The following DIAPH2 variants were observed in gnomAD, a reference collection of about 807,000 sequenced individuals.
DIAPH2 encodes protein diaphanous homolog 2.
In DIAPH2, 35 loss-of-function variants were observed where a neutral mutation model predicts 92.7. The observed-to-expected ratio is 0.38, with a 90% CI of 0.29 to 0.50. DIAPH2 has a LOEUF of 0.50. Ranked by LOEUF, DIAPH2 falls within the 20% of genes least tolerant of loss-of-function variation. The pLI is 0.94. For synonymous variants in DIAPH2, 301 were observed against 280.4 expected (o/e 1.07, Z -0.73); for missense variants, 701 against 819.5 (o/e 0.86, Z 1.77).
At chrX:96,976,023 C>G (rs775820077) in intron 17 of DIAPH2, among the ~76,000 whole-genome samples, 1 of 98,336 alleles carries the variant, frequency 1.0e-5, no homozygotes, top group Admixed American at 1.1e-4. Context: ...CTCCCTCCCT[C>G]CCTTCCTTCC....
chrX:96,773,926 A>C (rs180992481), intron 4 of DIAPH2, among the ~76,000 whole-genome samples: 32 of 111,367 alleles, frequency 2.9e-4, no homozygotes, highest in African/African-American at 1.0e-3. Context: ...AAAACAACAA[A>C]TTTCTGTTGT....
At chrX:96,852,700 T>C (rs893642283) in intron 4 of DIAPH2, among the ~76,000 whole-genome samples, 1 of 111,515 alleles carries the variant, frequency 9.0e-6, no homozygotes, top group African/African-American at 3.3e-5. Context: ...TACAGTTTTA[T>C]TTTGCCCTTC....
intron 26 of DIAPH2, among the ~76,000 whole-genome samples, chrX:97,546,215 A>G (rs1874880724): frequency 1.8e-5 from 2 of 111,660 alleles, no homozygotes; most frequent in South Asian, 7.5e-4. Flanking sequence ...ACAATTATTG[A>G]TATCACAACT....
chrX:97,181,642 T>A (rs2067540875), intron 22 of DIAPH2, among the ~76,000 whole-genome samples: 1 of 112,023 alleles, frequency 8.9e-6, no homozygotes, highest in Non-Finnish European at 1.9e-5. Context: ...ACTCCCGACC[T>A]CAGGTGATCC....
chrX:96,781,100 G>T (rs1212424942), intron 4 of DIAPH2, among the ~76,000 whole-genome samples: 2 of 111,457 alleles, frequency 1.8e-5, no homozygotes, highest in African/African-American at 6.5e-5. Flanking sequence ...GAGCCACCGT[G>T]CCGGGCCTCT....
At position 97,384,030 on chromosome X, in the gene DIAPH2, T is replaced by C. The variant is rs1014316210; in HGVS notation, c.3131T>C (p.Ile1044Thr). 8.4e-7 allele frequency: 1 copy of C among 1,192,160 alleles called. No individual in the cohort carries two copies. The highest frequency in any genetic ancestry group is 1.1e-6 in the Non-Finnish European group (1 of 885,636). ...CGCCAGAAGAAAAAGAAACAACTCA[T>C]TGATATAAACAAAGGTATGAAAATA... The part of the protein sequence containing the change: ...LERQKKKKQL[I>T]DINKEGDETG... The change falls in exon 25 of 27, where the codon ATT becomes ACT. Residue 1044 changes from isoleucine to threonine, a missense_variant. By Grantham distance (89) the Ile-to-Thr change is moderately conservative (BLOSUM62 -1). This residue lies in a region of DIAPH2 where 536 missense variants were observed against 599.3 expected (regional missense o/e 0.89). Coordinates refer to ENST00000324765, the MANE Select transcript of DIAPH2 (RefSeq NM_006729.5).
At chrX:97,370,665 A>C (rs1013038907) in intron 24 of DIAPH2, among the ~76,000 whole-genome samples, 2 of 111,866 alleles carry the variant, frequency 1.8e-5, no homozygotes, top group African/African-American at 6.5e-5. Flanking sequence ...AGGTCTTTCC[A>C]GGAGTACTAA....
intron 17 of DIAPH2, among the ~76,000 whole-genome samples, chrX:97,048,504 T>C (rs1214484124): frequency 1.8e-5 from 2 of 111,657 alleles, no homozygotes. Flanking sequence ...TAAGGTATTA[T>C]GTAATTTCTC....
chrX:97,128,833 G>A, intron 21 of DIAPH2, among the ~76,000 whole-genome samples: 1 of 111,947 alleles, frequency 8.9e-6, no homozygotes, highest in Non-Finnish European at 1.9e-5. Flanking sequence ...GTAAAGTTGT[G>A]GCATGTATTG....
intron 4 of DIAPH2, among the ~76,000 whole-genome samples, chrX:96,788,416 G>A (rs1262804565): frequency 2.7e-5 from 3 of 111,564 alleles, no homozygotes; most frequent in Non-Finnish European, 5.6e-5. Flanking sequence ...TCTTACATAG[G>A]GTTTGATACT....
chrX:96,705,821 AG>A (rs1170955600), intron 1 of DIAPH2, among the ~76,000 whole-genome samples: 1 of 111,995 alleles, frequency 8.9e-6, no homozygotes, highest in Non-Finnish European at 1.9e-5. Flanking sequence ...CAAAAAATAT[AG>A]ATACAGGAGT....
Position 96,685,188 on chromosome X carries a change from T to C in DIAPH2, c.130T>C (p.Leu44=). ...AGAGGAAACGAAAAACAAACCCAAA[T>C]TGGTGAGTGCTCCCGCAGCCCCCGC... ...NEEETKNKPK[L]NIQIKTLADD... Residue 44 remains leucine (L), a splice_region_variant and synonymous_variant, in exon 1 of 27, where the codon TTG becomes CTG. Transcript: ENST00000324765. 4 of 998,413 alleles carry C rather than the reference T, an allele frequency of 4.0e-6. No homozygotes were observed. Among genetic ancestry groups the C allele is most frequent in the East Asian group, 3.7e-5 (1 of 26,851 alleles). 82.3% of individuals were successfully genotyped at this position (998,413 alleles called of 1,213,427 possible).
chrX:97,554,923 C>G (rs1675259238), intron 26 of DIAPH2, among the ~76,000 whole-genome samples: 1 of 111,858 alleles, frequency 8.9e-6, no homozygotes, highest in African/African-American at 3.3e-5. Flanking sequence ...CTAGTCTACT[C>G]TACACAGGTC....
chrX:96,909,391 G>T (rs369145087), intron 5 of DIAPH2, among the ~76,000 whole-genome samples: 1 of 110,720 alleles, frequency 9.0e-6, no homozygotes, highest in East Asian at 2.9e-4. Flanking sequence ...CTGGGGGAGG[G>T]GGGTGGAGGA....
intron 26 of DIAPH2, among the ~76,000 whole-genome samples, chrX:97,585,166 A>G (rs2071471300): frequency 9.0e-6 from 1 of 111,204 alleles, no homozygotes; most frequent in Non-Finnish European, 1.9e-5. Flanking sequence ...TCCTTATGTA[A>G]ACACTTTTTA....
chrX:97,214,917 G>A (rs893474231), intron 22 of DIAPH2, among the ~76,000 whole-genome samples: 2 of 107,239 alleles, frequency 1.9e-5, no homozygotes, highest in African/African-American at 6.8e-5. Context: ...TGTTTTCCTT[G>A]AGTTAGACAG....
At chrX:96,828,935 C>T (rs1248976846) in intron 4 of DIAPH2, among the ~76,000 whole-genome samples, 1 of 110,457 alleles carries the variant, frequency 9.1e-6, no homozygotes, top group Non-Finnish European at 1.9e-5. Flanking sequence ...ATGCCACTGA[C>T]AGAAGAAAAA....
In DIAPH2 at chrX:97,594,167, A is replaced by G. The variant is rs144684214; in HGVS notation, c.3242-5086A>G. 6.6e-3 allele frequency among the ~76,000 whole-genome samples: 576 copies of G among 86,892 alleles called. 5 individuals carry two copies. Among genetic ancestry groups the G allele is most frequent in the South Asian group, 0.032 (44 of 1,368 alleles). 75.5% of individuals were successfully genotyped at this position (86,892 alleles called of 115,157 possible). On this transcript the variant is annotated intron_variant, in intron 26 of 26. Transcript: ENST00000324765. The stretch of plus-strand genomic sequence containing the variant: ...GAAAAGGTAGAACACCAAACTGCAT[A>G]TGTAGTTTGAGCTCAGTATATATAT...
chrX:97,139,136 T>G (rs1176017284), intron 21 of DIAPH2, among the ~76,000 whole-genome samples: 1 of 110,203 alleles, frequency 9.1e-6, no homozygotes, highest in Non-Finnish European at 1.9e-5. Flanking sequence ...ATTGGATAAA[T>G]GTCTTTAACC....
Sources: gnomAD v4.1 joint callset for allele counts (sites outside exome capture counted in the v4.1 genomes callset) on GRCh38, gnomAD v4.1.1 for gene constraint, gnomAD v4.1.1 regional missense constraint, MANE v1.5 for transcripts, NCBI Gene and HGNC (gene_info 2026-07-23, HGNC 2026-07-21) for gene names.